FRS2: variants seen among roughly 807,000 people sequenced by gnomAD.
FRS2 encodes the protein FGFR signalling adaptor.
A neutral mutation model predicts 43.9 loss-of-function variants in FRS2; 8 were observed. The ratio of observed to expected loss-of-function variants is 0.18; its 90% CI spans 0.11 to 0.33. The LOEUF is 0.33. Ranked by LOEUF, FRS2 falls within the 10% of genes least tolerant of loss-of-function variation. The pLI is 1.00. For missense variants in FRS2, 534 were observed against 627.6 expected, an observed-to-expected ratio of 0.85 and a Z score of 1.59; for synonymous variants, 219 against 220.3, an observed-to-expected ratio of 0.99 and a Z score of 0.05.
intron 1 of FRS2, among the ~76,000 whole-genome samples, chr12:69,491,173 G>T (rs1310674629): frequency 6.6e-6 from 1 of 152,046 alleles, no homozygotes. Context: ...TTGGCTCATT[G>T]CAGCCTTGAC....
At chr12:69,506,823 T>TGG (rs1873978874) in intron 1 of FRS2, among the ~76,000 whole-genome samples, 1 of 152,186 alleles carries the variant, frequency 6.6e-6, no homozygotes, top group African/African-American at 2.4e-5. Context: ...AATGTGGCAA[T>TGG]ATTGAGAGGA....
At chr12:69,490,428 TG>T (rs1159614071) in intron 1 of FRS2, among the ~76,000 whole-genome samples, 4 of 108,780 alleles carry the variant, frequency 3.7e-5, no homozygotes, top group Non-Finnish European at 7.0e-5. Flanking sequence ...TGAAAATGTG[TG>T]GGTTTTTTTT....
intron 3 of FRS2, among the ~76,000 whole-genome samples, chr12:69,532,383 T>TA (rs1876888525): frequency 1.3e-5 from 2 of 152,172 alleles, no homozygotes; most frequent in African/African-American, 4.8e-5. Context: ...TTTTACTCAG[T>TA]GGACATTGCC....
At chr12:69,507,437 A>G (rs1874045453) in intron 1 of FRS2, among the ~76,000 whole-genome samples, 1 of 152,022 alleles carries the variant, frequency 6.6e-6, no homozygotes, top group South Asian at 2.1e-4. Flanking sequence ...TTGTTTGCAA[A>G]TTTGTTTTAT....
In FRS2 at chr12:69,470,810, G is replaced by A. The variant is rs1011120163; in HGVS notation, c.-261+280G>A. Reference sequence around the variant, plus strand: ...GGATGGGCTGGGCCTCTGTTCGTCCGTCCGACCCCCCTCATGTGTGCTGCC... The same window carrying A: ...GGATGGGCTGGGCCTCTGTTCGTCCATCCGACCCCCCTCATGTGTGCTGCC... On this transcript the variant is annotated intron_variant, in intron 1 of 8. Coordinates refer to ENST00000549921, the MANE Select transcript of FRS2 (RefSeq NM_001278356.2). Among the ~76,000 whole-genome samples the A allele has an allele frequency of 2.0e-5, 3 of 152,246 alleles. No individual in the cohort carries two copies. In the South Asian group the frequency reaches 6.2e-4, roughly 32 times the overall value.
At chr12:69,481,255 A>G (rs192880991) in intron 1 of FRS2, among the ~76,000 whole-genome samples, 1 of 151,258 alleles carries the variant, frequency 6.6e-6, no homozygotes, top group East Asian at 1.9e-4. Context: ...TAATCACAGT[A>G]CCATCATGAA....
intron 7 of FRS2, among the ~76,000 whole-genome samples, chr12:69,571,864 AAAAAC>A (rs777423506): frequency 3.9e-5 from 6 of 152,120 alleles, no homozygotes; most frequent in East Asian, 3.9e-4. Flanking sequence ...ACTCCGTCTC[AAAAAC>A]AAAACAAAAC....
chr12:69,574,199 T>A lies in FRS2; in HGVS notation c.771T>A (p.Pro257=). The change falls in exon 9 of 9, where the codon CCT becomes CCA. Residue 257 remains proline (P), a synonymous_variant. Transcript: ENST00000549921. ...TCAAATTTGTTTTAGGGCCAACCCCTGTTCAAAAGCAGTTAATGGAAAAAG... is the reference window on the plus strand; with the variant it reads ...TCAAATTTGTTTTAGGGCCAACCCCAGTTCAAAAGCAGTTAATGGAAAAAG... The part of the protein sequence containing the change: ...EGVKFVLGPT[P]VQKQLMEKEK... 6.2e-7 allele frequency: 1 copy of A among 1,614,214 alleles called. No individual in the cohort carries two copies. The highest frequency in any genetic ancestry group is 8.5e-7 in the Non-Finnish European group (1 of 1,180,030).
intron 3 of FRS2, among the ~76,000 whole-genome samples, chr12:69,536,195 G>C (rs1877288891): frequency 8.4e-6 from 1 of 118,758 alleles, no homozygotes; most frequent in Admixed American, 1.1e-4. Flanking sequence ...CATGATCTCA[G>C]CTCACTGCAA....
At chr12:69,486,571 G>T (rs1411330520) in intron 1 of FRS2, among the ~76,000 whole-genome samples, 1 of 152,158 alleles carries the variant, frequency 6.6e-6, no homozygotes, top group Non-Finnish European at 1.5e-5. Flanking sequence ...GTGAAAGGAG[G>T]AGTCACACAT....
intron 1 of FRS2, among the ~76,000 whole-genome samples, chr12:69,496,066 T>G (rs535843452): frequency 3.3e-5 from 5 of 152,372 alleles, no homozygotes; most frequent in Non-Finnish European, 7.3e-5. Context: ...AATTTTTTTC[T>G]TTTAAGTTTT....
chr12:69,479,104 G>A (rs969080933), intron 1 of FRS2, among the ~76,000 whole-genome samples: 3 of 151,922 alleles, frequency 2.0e-5, no homozygotes, highest in Non-Finnish European at 4.4e-5. Flanking sequence ...GCAGATGTCT[G>A]CTTATTCTCA....
intron 1 of FRS2, among the ~76,000 whole-genome samples, chr12:69,487,513 G>T (rs749718994): frequency 4.6e-5 from 7 of 152,178 alleles, no homozygotes; most frequent in Non-Finnish European, 1.0e-4. Context: ...CAGAAGAAAA[G>T]ATTTCTTTCA....
At chr12:69,515,811 G>A (rs1319959674) in intron 1 of FRS2, among the ~76,000 whole-genome samples, 1 of 149,914 alleles carries the variant, frequency 6.7e-6, no homozygotes, top group African/African-American at 2.5e-5. Flanking sequence ...TTTCCCTAGA[G>A]TAAACAGTAG....
intron 1 of FRS2, among the ~76,000 whole-genome samples, chr12:69,476,045 G>A (rs189063882): frequency 1.3e-5 from 2 of 151,952 alleles, no homozygotes; most frequent in Non-Finnish European, 2.9e-5. Context: ...CCTTCCTCGT[G>A]CCCCTTTTTA....
chr12:69,537,597 CT>C (rs887802142), intron 3 of FRS2, among the ~76,000 whole-genome samples: 9 of 150,032 alleles, frequency 6.0e-5, no homozygotes, highest in African/African-American at 9.8e-5. Flanking sequence ...TGTGTTAAGC[CT>C]TTTTTTTTCC....
intron 4 of FRS2, among the ~76,000 whole-genome samples, chr12:69,563,995 T>A (rs1205057214): frequency 6.6e-6 from 1 of 152,180 alleles, no homozygotes; most frequent in African/African-American, 2.4e-5. Flanking sequence ...ACCTACTGAT[T>A]ATAAGCCTGC....
intron 1 of FRS2, among the ~76,000 whole-genome samples, chr12:69,495,791 A>C (rs147805975): frequency 4.3e-4 from 66 of 152,060 alleles, no homozygotes; most frequent in Non-Finnish European, 1.2e-4. Flanking sequence ...AGTCGTAGCT[A>C]CTTGGGTGGT....
rs1299663612 is a variant in FRS2, at chr12:69,485,135, A to ACACT, written c.-261+14606_-261+14607insACTC. ...CACACACACACACACACACACACAC[A>ACACT]CTCTCACCCCCCTAAAACTCTTAAA... On this transcript the variant is annotated intron_variant, in intron 1 of 8. Coordinates refer to ENST00000549921, the MANE Select transcript of FRS2 (RefSeq NM_001278356.2). 2.6e-4 allele frequency among the ~76,000 whole-genome samples: 21 copies of ACACT among 80,884 alleles called. 1 individual carries two copies. Among genetic ancestry groups the ACACT allele is most frequent in the South Asian group, 5.9e-4 (1 of 1,692 alleles). The allele number at this position is 80,884 out of a possible 152,430, so 53.1% of individuals were successfully genotyped here. A position where few individuals can be genotyped will look rare whatever the true frequency, so the allele number is the denominator to read the frequency against.
Sources: allele counts gnomAD v4.1 joint callset (sites outside exome capture counted in the v4.1 genomes callset), GRCh38; gene constraint gnomAD v4.1.1; transcripts MANE v1.5; gene names NCBI Gene and HGNC (gene_info 2026-07-23, HGNC 2026-07-21).